The following PTPRT variants were observed in gnomAD, a reference collection of about 807,000 sequenced individuals.
PTPRT encodes protein tyrosine phosphatase receptor type T.
PTPRT carries 56 observed loss-of-function variants against 176.8 expected under a neutral mutation model. The ratio of observed to expected loss-of-function variants is 0.32; its 90% CI spans 0.26 to 0.40. The LOEUF is 0.40. PTPRT is among the 10% of genes least tolerant of loss of function. The pLI is 1.00. For missense variants in PTPRT, 1,540 were observed against 1,908.2 expected (o/e 0.81, Z 3.60); for synonymous variants, 783 against 739.0 (o/e 1.06, Z -0.96).
chr20:42,935,290 C>A (rs1395581905), intron 1 of PTPRT, among the ~76,000 whole-genome samples: 2 of 151,332 alleles, frequency 1.3e-5, no homozygotes, highest in African/African-American at 4.9e-5. Flanking sequence ...CAGGCACGCA[C>A]CAGCACACCC....
chr20:43,133,473 C>T (rs1047968110), intron 1 of PTPRT, among the ~76,000 whole-genome samples: 12 of 152,040 alleles, frequency 7.9e-5, no homozygotes, highest in African/African-American at 2.4e-4. Context: ...TGGCCGGGCA[C>T]GGTGGCTCAC....
At chr20:42,924,337 T>C (rs983531382) in intron 1 of PTPRT, among the ~76,000 whole-genome samples, 2 of 152,196 alleles carry the variant, frequency 1.3e-5, no homozygotes, top group Non-Finnish European at 2.9e-5. Context: ...CATTTGTGTG[T>C]AAAACAGCCT....
chr20:42,997,345 C>T (rs143529762), intron 1 of PTPRT, among the ~76,000 whole-genome samples: 3 of 152,172 alleles, frequency 2.0e-5, no homozygotes, highest in African/African-American at 7.2e-5. Flanking sequence ...AGCCAGGTAG[C>T]CTCTTCCTGG....
chr20:42,999,740 G>A (rs1329646369), intron 1 of PTPRT, among the ~76,000 whole-genome samples: 1 of 151,936 alleles, frequency 6.6e-6, no homozygotes, highest in East Asian at 1.9e-4. Context: ...CCAGGAATTT[G>A]TAGCTGCAGT....
intron 15 of PTPRT, among the ~76,000 whole-genome samples, chr20:42,202,911 G>C (rs1245013492): frequency 2.0e-5 from 3 of 151,986 alleles, no homozygotes; most frequent in African/African-American, 4.8e-5. Flanking sequence ...TATGAAAAAT[G>C]GTACTTTATA....
chr20:42,421,443 A>T (rs2059118263), intron 9 of PTPRT, among the ~76,000 whole-genome samples: 1 of 152,256 alleles, frequency 6.6e-6, no homozygotes, highest in African/African-American at 2.4e-5. Flanking sequence ...AGGACAAGAA[A>T]CCAGGAGACG....
intron 9 of PTPRT, among the ~76,000 whole-genome samples, chr20:42,418,349 G>A (rs1475462527): frequency 6.6e-6 from 1 of 152,016 alleles, no homozygotes; most frequent in African/African-American, 2.4e-5. Context: ...ACTAAAAGGT[G>A]CCAGTCTAAA....
chr20:42,577,624 C>T (rs551674683), intron 7 of PTPRT, among the ~76,000 whole-genome samples: 152 of 152,250 alleles, frequency 1.0e-3, no homozygotes, highest in African/African-American at 3.4e-3. Flanking sequence ...TTAAACTGGG[C>T]TAACGGTGAC....
chr20:42,081,982 A>G lies in PTPRT; in HGVS notation c.4172T>C (p.Ile1391Thr), dbSNP rs1490706945. Residue 1391 changes from isoleucine (I) to threonine (T), a missense_variant, in exon 30 of 31, where the codon ATC becomes ACC. Ile to Thr is a moderately conservative substitution (Grantham distance 89, BLOSUM62 -1). Around this residue, in one of 11 missense-constraint regions of PTPRT, gnomAD observed 342 missense variants for 394.0 expected, o/e 0.87. Coordinates refer to ENST00000373187, the MANE Select transcript of PTPRT (RefSeq NM_007050.6). ...CTGGATCATCTCACACACACTGCAG[A>G]TGGCACAGAAGGTTCCACTACGGCC... ...GGGRSGTFCAICSVCEMIQQQ... is the reference protein window; with the variant it reads ...GGGRSGTFCATCSVCEMIQQQ... 2 of 1,614,208 alleles carry G rather than the reference A, an allele frequency of 1.2e-6. No individual in the cohort carries two copies. The highest frequency in any genetic ancestry group is 2.2e-5 in the East Asian group (1 of 44,882).
intron 1 of PTPRT, among the ~76,000 whole-genome samples, chr20:43,184,798 C>T (rs780726652): frequency 1.8e-4 from 28 of 152,116 alleles, no homozygotes; most frequent in Non-Finnish European, 3.7e-4. Context: ...CTGTTACGTC[C>T]CTTTGGAATG....
At chr20:42,626,685 C>G (rs771648135) in intron 7 of PTPRT, among the ~76,000 whole-genome samples, 1 of 152,160 alleles carries the variant, frequency 6.6e-6, no homozygotes, top group African/African-American at 2.4e-5. Flanking sequence ...CTCGGAGAAA[C>G]GGGCCCCCTG....
chr20:42,710,989 G>A (rs990613369), intron 6 of PTPRT, among the ~76,000 whole-genome samples: 1 of 152,234 alleles, frequency 6.6e-6, no homozygotes, highest in Non-Finnish European at 1.5e-5. Flanking sequence ...CTGGGTTCCA[G>A]ACTTGCATGG....
At chr20:42,562,918 A>G (rs907290694) in intron 7 of PTPRT, among the ~76,000 whole-genome samples, 1 of 152,224 alleles carries the variant, frequency 6.6e-6, no homozygotes, top group Non-Finnish European at 1.5e-5. Context: ...AATATATTCT[A>G]GAAAGATTAA....
At chr20:42,150,525 T>C (rs565664912) in intron 17 of PTPRT, among the ~76,000 whole-genome samples, 1 of 152,294 alleles carries the variant, frequency 6.6e-6, no homozygotes, top group East Asian at 1.9e-4. Context: ...GGGAACACTC[T>C]GGAGAGTCTT....
Position 42,116,131 on chromosome 20 carries a change from A to G in PTPRT, c.2983-816T>C, listed in dbSNP as rs74609236. ...GTGTTAGGTAAAAAACAAGAAACAA[A>G]AAACAAACAAAAAAAGGTTTTGTGG... is the stretch of plus-strand genomic sequence containing the variant. On this transcript the variant is annotated intron_variant, in intron 21 of 30. Transcript: ENST00000373187. 176 of 715,256 alleles carry G rather than the reference A, an allele frequency of 2.5e-4. 1 individual carries two copies. In the African/African-American group the frequency reaches 2.9e-3, roughly 12 times the overall value. The allele number at this position is 715,256 out of a possible 1,614,324, so 44.3% of individuals were successfully genotyped here. A position where few individuals can be genotyped will look rare whatever the true frequency, so the allele number is the denominator to read the frequency against.
intron 12 of PTPRT, among the ~76,000 whole-genome samples, chr20:42,304,711 C>T (rs2057518482): frequency 6.6e-6 from 1 of 152,130 alleles, no homozygotes; most frequent in South Asian, 2.1e-4. Context: ...GTGCAAATGT[C>T]TCCATTAACT....
intron 2 of PTPRT, among the ~76,000 whole-genome samples, chr20:42,848,710 T>C (rs1485843648): frequency 6.6e-6 from 1 of 152,210 alleles, no homozygotes; most frequent in Non-Finnish European, 1.5e-5. Flanking sequence ...TTCTGGATAT[T>C]GGTCCTTTGT....
At chr20:42,903,242 T>C (rs2079429717) in intron 1 of PTPRT, among the ~76,000 whole-genome samples, 1 of 152,202 alleles carries the variant, frequency 6.6e-6, no homozygotes, top group Non-Finnish European at 1.5e-5. Context: ...ATCATCACCA[T>C]TTTAAAGATA....
At chr20:42,147,690 A>G (rs1285440459) in intron 17 of PTPRT, among the ~76,000 whole-genome samples, 4 of 152,154 alleles carry the variant, frequency 2.6e-5, no homozygotes, top group Non-Finnish European at 5.9e-5. Flanking sequence ...CGAACAAAAC[A>G]GTTGTGATAA....
Sources: gnomAD v4.1 joint callset for allele counts (sites outside exome capture counted in the v4.1 genomes callset) on GRCh38, gnomAD v4.1.1 for gene constraint, gnomAD v4.1.1 regional missense constraint, MANE v1.5 for transcripts, NCBI Gene and HGNC (gene_info 2026-07-23, HGNC 2026-07-21) for gene names.